TFDP1: variants seen among roughly 807,000 people sequenced by gnomAD.
TFDP1 encodes DRTF1-polypeptide 1.
Under a neutral mutation model 48.0 loss-of-function variants are expected in TFDP1, and 6 were observed. The ratio of observed to expected loss-of-function variants is 0.13; its 90% CI spans 0.07 to 0.25. The LOEUF (loss-of-function observed/expected upper bound fraction) is 0.25, where lower values mean the gene tolerates loss of function less well. Ranked by LOEUF, TFDP1 falls within the 10% of genes least tolerant of loss-of-function variation. The pLI, the probability that TFDP1 is intolerant of heterozygous loss-of-function variation, is 1.00. For synonymous variants in TFDP1, 201 were observed against 211.6 expected, an observed-to-expected ratio of 0.95 and a Z score of 0.44; for missense variants, 335 against 543.0, an observed-to-expected ratio of 0.62 and a Z score of 3.81.
intron 3 of TFDP1, among the ~76,000 whole-genome samples, chr13:113,620,561 T>C (rs2048973043): frequency 6.6e-6 from 1 of 152,264 alleles, no homozygotes; most frequent in Non-Finnish European, 1.5e-5. Flanking sequence ...TGAAAAGTGT[T>C]TAATTGCGTA....
At position 113,617,611 on chromosome 13, in the gene TFDP1, TTCACCTGCAGAGCCGC is replaced by T. The variant is rs1171045647; in HGVS notation, c.80-5507_80-5492del. Among the ~76,000 whole-genome samples, 406 of 109,752 alleles carry T rather than the reference TTCACCTGCAGAGCCGC, an allele frequency of 3.7e-3. 2 individuals are homozygous for T. Among genetic ancestry groups the T allele is most frequent in the South Asian group, 0.025 (84 of 3,412 alleles). 72.0% of individuals were successfully genotyped at this position (109,752 alleles called of 152,430 possible). A position where few individuals can be genotyped will look rare whatever the true frequency, so the allele number is the denominator to read the frequency against. ...GCAGAGCCCTTCACCTGCAGAACCC[TTCACCTGCAGAGCCGC>T]TCACCTGCAGAGCCGCTCACCTGCA... is the stretch of plus-strand genomic sequence containing the variant. On this transcript the variant is annotated intron_variant, in intron 3 of 11. Transcript: ENST00000375370.
intron 10 of TFDP1, 87 bp from the exon 11 acceptor site, chr13:113,637,731 G>T (rs747280379): frequency 6.2e-7 from 1 of 1,609,414 alleles, no homozygotes; most frequent in Non-Finnish European, 8.5e-7. Flanking sequence ...TCTGTCCTGT[G>T]GAACTGCGCG....
chr13:113,629,469 C>T (rs1393725925), intron 4 of TFDP1, among the ~76,000 whole-genome samples: 2 of 152,174 alleles, frequency 1.3e-5, no homozygotes, highest in Non-Finnish European at 2.9e-5. Context: ...TAAGATGGTC[C>T]AAAAGCAACA....
intron 3 of TFDP1, among the ~76,000 whole-genome samples, chr13:113,611,781 T>C (rs1273503842): frequency 1.3e-5 from 2 of 152,182 alleles, no homozygotes; most frequent in East Asian, 3.8e-4. Context: ...TGTGTGGATC[T>C]GGGATTGCGT....
chr13:113,638,007 G>A, intron 11 of TFDP1, 111 bp downstream of exon 11: 2 of 1,421,310 alleles, frequency 1.4e-6, no homozygotes, highest in Non-Finnish European at 1.9e-6. Context: ...TGGCTGCTCT[G>A]ACGTGGCTTG....
intron 3 of TFDP1, among the ~76,000 whole-genome samples, chr13:113,621,825 G>T (rs1594493493): frequency 6.6e-6 from 1 of 152,204 alleles, no homozygotes; most frequent in East Asian, 1.9e-4. Flanking sequence ...TCCACCTCTT[G>T]TGGAGGGCCT....
rs368791180 is a variant in TFDP1, at chr13:113,611,087, C to G, written c.79+25C>G. The G allele has an allele frequency of 5.2e-5, 83 of 1,598,662 alleles. 1 individual carries two copies. Among genetic ancestry groups the G allele is most frequent in the Non-Finnish European group, 8.6e-6 (10 of 1,166,758 alleles). ...GGTAAGGGCACCTGTTCTGGACACA[C>G]TCTTGTGTTGATGAATGCATGAAGC... On this transcript the variant is annotated intron_variant, in intron 3 of 11. Coordinates refer to ENST00000375370, the MANE Select transcript of TFDP1 (RefSeq NM_007111.5).
At chr13:113,632,375 G>A (rs1407646501) in intron 5 of TFDP1, among the ~76,000 whole-genome samples, 1 of 152,230 alleles carries the variant, frequency 6.6e-6, no homozygotes, top group African/African-American at 2.4e-5. Flanking sequence ...TTAGTGCTTT[G>A]CACCTGTTGT....
At chr13:113,625,255 A>G (rs1324562832) in intron 4 of TFDP1, among the ~76,000 whole-genome samples, 1 of 62,178 alleles carries the variant, frequency 1.6e-5, no homozygotes, top group African/African-American at 8.1e-5. Flanking sequence ...CTCTCAGGGT[A>G]TCTCTCACAT....
chr13:113,639,509 T>C (rs1183533202), intron 11 of TFDP1, among the ~76,000 whole-genome samples: 1 of 152,268 alleles, frequency 6.6e-6, no homozygotes, highest in African/African-American at 2.4e-5. Context: ...ACAGAATTAC[T>C]TCATCAAAAG....
chr13:113,614,018 TTG>T (rs2048787941), intron 3 of TFDP1, among the ~76,000 whole-genome samples: 1 of 141,602 alleles, frequency 7.1e-6, no homozygotes, highest in Non-Finnish European at 1.5e-5. Flanking sequence ...GTTGTGTCAG[TTG>T]TGTGCGTGCG....
chr13:113,616,816 G>A (rs1459185592), intron 3 of TFDP1, among the ~76,000 whole-genome samples: 1 of 152,160 alleles, frequency 6.6e-6, no homozygotes, highest in East Asian at 1.9e-4. Context: ...AGGAAGGGAG[G>A]GTATAAGTTT....
At chr13:113,611,654 G>T (rs968222354) in intron 3 of TFDP1, among the ~76,000 whole-genome samples, 11 of 152,248 alleles carry the variant, frequency 7.2e-5, no homozygotes, top group Non-Finnish European at 2.9e-5. Context: ...TTACGTTCGT[G>T]AAGGTGTGTG....
At chr13:113,624,388 CA>C (rs2049069116) in intron 4 of TFDP1, among the ~76,000 whole-genome samples, 1 of 146,578 alleles carries the variant, frequency 6.8e-6, no homozygotes, top group Non-Finnish European at 1.5e-5. Flanking sequence ...CAGGTGTCCC[CA>C]AGTATCTCTC....
chr13:113,614,304 C>T (rs985770559), intron 3 of TFDP1, among the ~76,000 whole-genome samples: 1 of 152,060 alleles, frequency 6.6e-6, no homozygotes, highest in Non-Finnish European at 1.5e-5. Flanking sequence ...CCTCGCCTCC[C>T]CAACAGACAC....
intron 4 of TFDP1, among the ~76,000 whole-genome samples, chr13:113,624,365 C>A (rs2049068670): frequency 6.8e-6 from 1 of 148,042 alleles, no homozygotes; most frequent in South Asian, 2.2e-4. Context: ...TCCCAGGCAT[C>A]CTCACGTGTC....
At chr13:113,601,499 G>C (rs1461073837) in intron 2 of TFDP1, among the ~76,000 whole-genome samples, 1 of 152,206 alleles carries the variant, frequency 6.6e-6, no homozygotes, top group African/African-American at 2.4e-5. Flanking sequence ...ACCCTCACCA[G>C]GCTCTGGTGC....
chr13:113,621,427 A>G (rs2048992480), intron 3 of TFDP1, among the ~76,000 whole-genome samples: 1 of 152,268 alleles, frequency 6.6e-6, no homozygotes, highest in African/African-American at 2.4e-5. Context: ...CTGTTCCAGT[A>G]TAATAAAATA....
chr13:113,592,817 C>G (rs1256430891), intron 2 of TFDP1, among the ~76,000 whole-genome samples: 1 of 151,698 alleles, frequency 6.6e-6, no homozygotes, highest in Admixed American at 6.6e-5. Flanking sequence ...TCAGCCCTGC[C>G]CAGGTGACAG....
Sources: allele counts gnomAD v4.1 joint callset (sites outside exome capture counted in the v4.1 genomes callset), GRCh38; gene constraint gnomAD v4.1.1; transcripts MANE v1.5; gene names NCBI Gene and HGNC (gene_info 2026-07-23, HGNC 2026-07-21).